Variants in KCNMA1 observed in about 807,000 individuals in gnomAD.
KCNMA1 encodes potassium calcium-activated channel subfamily M alpha 1.
A neutral mutation model predicts 140.0 loss-of-function variants in KCNMA1; 29 were observed. That is an observed-to-expected ratio of 0.21 (90% CI 0.15 to 0.28). The LOEUF (loss-of-function observed/expected upper bound fraction) is 0.28, where lower values mean the gene tolerates loss of function less well. Among genes scored for constraint, KCNMA1 ranks in the 10% least tolerant of loss-of-function variants. The probability of loss-of-function intolerance (pLI) is 1.00; values close to 1 mark genes in which losing one functional copy is unlikely to be tolerated. For synonymous variants in KCNMA1, 612 were observed against 611.9 expected (o/e 1.00, Z 0.00); for missense variants, 880 against 1,602.2 (o/e 0.55, Z 7.70).
At chr10:77,141,263 A>G (rs976850708) in intron 5 of KCNMA1, among the ~76,000 whole-genome samples, 3 of 151,774 alleles carry the variant, frequency 2.0e-5, no homozygotes, top group African/African-American at 7.3e-5. Flanking sequence ...TCTCATTACC[A>G]ACCCCAGCCC....
chr10:77,122,915 A>C (rs1279699844), intron 5 of KCNMA1, among the ~76,000 whole-genome samples: 1 of 152,124 alleles, frequency 6.6e-6, no homozygotes, highest in Non-Finnish European at 1.5e-5. Context: ...ACGGTGGCTC[A>C]TGCCTGTAAT....
chr10:77,098,073 G>T (rs1470032462), intron 9 of KCNMA1, among the ~76,000 whole-genome samples: 2 of 152,172 alleles, frequency 1.3e-5, no homozygotes, highest in Non-Finnish European at 2.9e-5. Context: ...ACCCTAGAGG[G>T]ATCTGTGTCT....
intron 2 of KCNMA1, among the ~76,000 whole-genome samples, chr10:77,382,882 AAAAATAT>A (rs2095446987): frequency 7.8e-6 from 1 of 128,602 alleles, no homozygotes; most frequent in South Asian, 2.7e-4. Flanking sequence ...AAAAAAAAAA[AAAAATAT>A]ATATATATAT....
chr10:77,060,876 G>A lies in KCNMA1; in HGVS notation c.1749+12221C>T, dbSNP rs184202562. The stretch of plus-strand genomic sequence containing the variant: ...ATGACAGGGACAAGAGCCAAGGAAT[G>A]TGGTCAGCCTCCAGAAGCTAGAAAA... On this transcript the variant is annotated intron_variant, in intron 14 of 27. Transcript: ENST00000286628. Among the ~76,000 whole-genome samples the A allele has an allele frequency of 3.3e-5, 5 of 152,250 alleles. No individual in the cohort carries two copies. In the East Asian group the frequency reaches 7.7e-4, roughly 24 times the overall value.
intron 15 of KCNMA1, among the ~76,000 whole-genome samples, chr10:77,029,485 G>A (rs2093753349): frequency 6.6e-6 from 1 of 152,188 alleles, no homozygotes; most frequent in African/African-American, 2.4e-5. Flanking sequence ...AAGGTCTCTA[G>A]CTAATACCTG....
At chr10:77,159,840 T>C (rs2098535773) in intron 5 of KCNMA1, among the ~76,000 whole-genome samples, 1 of 152,148 alleles carries the variant, frequency 6.6e-6, no homozygotes, top group African/African-American at 2.4e-5. Context: ...CTTACTTCCT[T>C]CTCCCCCATG....
intron 2 of KCNMA1, among the ~76,000 whole-genome samples, chr10:77,278,563 G>A (rs1321315088): frequency 1.3e-5 from 2 of 152,112 alleles, no homozygotes; most frequent in Non-Finnish European, 2.9e-5. Context: ...AAAAAACAAG[G>A]TGGTCTCCGA....
chr10:77,023,645 C>T (rs960875187), intron 16 of KCNMA1, among the ~76,000 whole-genome samples: 3 of 152,268 alleles, frequency 2.0e-5, no homozygotes, highest in Middle Eastern at 3.4e-3. Context: ...TGAACCAATC[C>T]GTGTCCCCTC....
At chr10:77,232,015 C>T (rs115267368) in intron 3 of KCNMA1, among the ~76,000 whole-genome samples, 2,458 of 152,300 alleles carry the variant, frequency 0.016, 61 homozygotes, top group African/African-American at 0.055. Context: ...TGACATTTTA[C>T]ACAAGTGAAG....
At chr10:77,536,041 T>C (rs2058804639) in intron 1 of KCNMA1, among the ~76,000 whole-genome samples, 1 of 152,214 alleles carries the variant, frequency 6.6e-6, no homozygotes, top group South Asian at 2.1e-4. Context: ...AGAGAATATG[T>C]GGGATGCTCC....
intron 3 of KCNMA1, among the ~76,000 whole-genome samples, chr10:77,242,024 G>C (rs903293279): frequency 6.6e-6 from 1 of 152,220 alleles, no homozygotes; most frequent in African/African-American, 2.4e-5. Flanking sequence ...ACTGTGGCCT[G>C]TTTGCGAGCA....
At chr10:77,384,625 A>G (rs1278376802) in intron 2 of KCNMA1, among the ~76,000 whole-genome samples, 2 of 152,236 alleles carry the variant, frequency 1.3e-5, no homozygotes, top group African/African-American at 4.8e-5. Flanking sequence ...ACTGGAGAGC[A>G]CTGAGGTATG....
chr10:77,339,101 G>C (rs1177497561), intron 2 of KCNMA1, among the ~76,000 whole-genome samples: 1 of 151,302 alleles, frequency 6.6e-6, no homozygotes, highest in African/African-American at 2.4e-5. Flanking sequence ...GTGTATCTGT[G>C]GTATTAAAAT....
chr10:76,930,220 C>A (rs1370396570), intron 23 of KCNMA1: 1 of 152,118 alleles, frequency 6.6e-6, no homozygotes, highest in African/African-American at 2.4e-5. Flanking sequence ...TATTTTAAAA[C>A]CACCTAGCCA....
chr10:76,997,908 TG>T (rs2153385628), intron 19 of KCNMA1, among the ~76,000 whole-genome samples: 1 of 152,320 alleles, frequency 6.6e-6, no homozygotes, highest in Non-Finnish European at 1.5e-5. Flanking sequence ...CCTACCATAT[TG>T]AACATTTCAG....
At chr10:77,609,708 A>G (rs1222296022) in intron 1 of KCNMA1, among the ~76,000 whole-genome samples, 1 of 152,118 alleles carries the variant, frequency 6.6e-6, no homozygotes, top group East Asian at 1.9e-4. Flanking sequence ...AACAAGTACA[A>G]TTTTTATTTA....
chr10:76,991,859 G>A (rs1296733229), intron 19 of KCNMA1, among the ~76,000 whole-genome samples: 1 of 152,192 alleles, frequency 6.6e-6, no homozygotes, highest in Non-Finnish European at 1.5e-5. Context: ...TTTAATGCAA[G>A]CAGTCAGCTC....
chr10:77,113,408 T>TTGTCTTCTATAA (rs2097372298), intron 6 of KCNMA1, among the ~76,000 whole-genome samples: 1 of 152,090 alleles, frequency 6.6e-6, no homozygotes, highest in Non-Finnish European at 1.5e-5. Flanking sequence ...TGAACCTAGG[T>TTGTCTTCTATAA]TGTCTTCTAT....
intron 1 of KCNMA1, among the ~76,000 whole-genome samples, chr10:77,501,745 C>T (rs1051007135): frequency 2.0e-5 from 3 of 152,326 alleles, no homozygotes; most frequent in Non-Finnish European, 4.4e-5. Flanking sequence ...TCAAGTACCA[C>T]GTGGCCACTG....
Sources: allele counts gnomAD v4.1 joint callset (sites outside exome capture counted in the v4.1 genomes callset), GRCh38; gene constraint gnomAD v4.1.1; transcripts MANE v1.5; gene names NCBI Gene and HGNC (gene_info 2026-07-23, HGNC 2026-07-21).